Variants in TRIT1 observed in about 807,000 individuals in gnomAD.
TRIT1 encodes the protein tRNA dimethylallyltransferase.
Under a neutral mutation model 51.2 loss-of-function variants are expected in TRIT1, and 43 were observed. The ratio of observed to expected loss-of-function variants is 0.84; its 90% CI spans 0.66 to 1.08. The LOEUF (loss-of-function observed/expected upper bound fraction) is 1.08. Ranked by LOEUF, TRIT1 falls within the 50% of genes least tolerant of loss-of-function variation. TRIT1 has a pLI of 0.00. For missense variants in TRIT1, 528 were observed against 578.4 expected (o/e 0.91, Z 0.89); for synonymous variants, 184 against 203.9 (o/e 0.90, Z 0.83).
At chr1:39,878,887 A>T (rs1644153251) in intron 1 of TRIT1, among the ~76,000 whole-genome samples, 1 of 152,204 alleles carries the variant, frequency 6.6e-6, no homozygotes, top group South Asian at 2.1e-4. Context: ...CTATGAATTA[A>T]CACTGTGATT....
intron 1 of TRIT1, among the ~76,000 whole-genome samples, chr1:39,864,560 G>C (rs1643427684): frequency 7.2e-6 from 1 of 139,278 alleles, no homozygotes; most frequent in Non-Finnish European, 1.5e-5. Flanking sequence ...AGTGAGCCAA[G>C]ATTGCGCCAC....
chr1:39,842,830 C>G (rs909201932), intron 10 of TRIT1, among the ~76,000 whole-genome samples: 17 of 152,168 alleles, frequency 1.1e-4, no homozygotes, highest in Admixed American at 1.0e-3. Flanking sequence ...GAAAAGTTTA[C>G]TTGGGGAAGA....
chr1:39,867,392 G>A (rs529723618), intron 1 of TRIT1, among the ~76,000 whole-genome samples: 4 of 152,146 alleles, frequency 2.6e-5, no homozygotes, highest in East Asian at 1.9e-4. Flanking sequence ...TGATCCGCCC[G>A]CCTTGGCTTC....
intron 1 of TRIT1, among the ~76,000 whole-genome samples, chr1:39,872,552 G>C (rs562601021): frequency 1.3e-5 from 2 of 152,144 alleles, no homozygotes; most frequent in Admixed American, 6.5e-5. Context: ...AATAAGCAAG[G>C]GGGGAAGACT....
intron 1 of TRIT1, among the ~76,000 whole-genome samples, chr1:39,868,692 C>A (rs1202610464): frequency 1.3e-5 from 2 of 151,376 alleles, no homozygotes; most frequent in Non-Finnish European, 2.9e-5. Context: ...AGAAAACAAC[C>A]CCACTCCCGT....
intron 1 of TRIT1, among the ~76,000 whole-genome samples, chr1:39,866,814 A>AT (rs948101645): frequency 6.6e-6 from 1 of 152,132 alleles, no homozygotes; most frequent in African/African-American, 2.4e-5. Context: ...TACAAAAAAA[A>AT]CAAAACAAAA....
chr1:39,869,823 C>T (rs1158055115), intron 1 of TRIT1, among the ~76,000 whole-genome samples: 5 of 150,522 alleles, frequency 3.3e-5, no homozygotes, highest in South Asian at 2.1e-4. Context: ...GGAGCCCCTC[C>T]GCCCGGCAGC....
chr1:39,873,697 T>C (rs1643951504), intron 1 of TRIT1, among the ~76,000 whole-genome samples: 1 of 152,296 alleles, frequency 6.6e-6, no homozygotes, highest in South Asian at 2.1e-4. Flanking sequence ...ACAGGAACTC[T>C]TGGTACTATC....
At chr1:39,858,809 G>A (rs1193790644) in intron 1 of TRIT1, among the ~76,000 whole-genome samples, 1 of 152,140 alleles carries the variant, frequency 6.6e-6, no homozygotes, top group African/African-American at 2.4e-5. Context: ...ATTTGTGCCT[G>A]ACAGCAGACT....
At chr1:39,851,947 T>C (rs1642600370) in intron 4 of TRIT1, among the ~76,000 whole-genome samples, 1 of 142,084 alleles carries the variant, frequency 7.0e-6, no homozygotes, top group Non-Finnish European at 1.5e-5. Context: ...ACTCTATCTC[T>C]TAAAAAAAAA....
chr1:39,878,657 T>A (rs1029075369), intron 1 of TRIT1, among the ~76,000 whole-genome samples: 1 of 152,206 alleles, frequency 6.6e-6, no homozygotes, highest in African/African-American at 2.4e-5. Context: ...GATCACACTT[T>A]CTATTTGGTC....
At chr1:39,870,075 A>T (rs1273665590) in intron 1 of TRIT1, among the ~76,000 whole-genome samples, 3 of 152,078 alleles carry the variant, frequency 2.0e-5, no homozygotes, top group Non-Finnish European at 4.4e-5. Flanking sequence ...GGAAGGGGGG[A>T]AAGTGTGGGG....
At position 39,847,308 on chromosome 1, in the gene TRIT1, C is replaced by A. The variant is rs757751420; in HGVS notation, c.929-11G>T. On this transcript the variant is annotated splice_polypyrimidine_tract_variant and intron_variant, in intron 7 of 10. Transcript: ENST00000316891. The stretch of plus-strand genomic sequence containing the variant: ...TCAGAGCCTCAATACCTGAAAGATA[C>A]AGTAGATTTAAGAACATCTAGGTAA... 1.2e-6 allele frequency: 2 copies of A among 1,612,948 alleles called. No individual in the cohort carries two copies. Among genetic ancestry groups the A allele is most frequent in the South Asian group, 2.2e-5 (2 of 91,034 alleles).
chr1:39,880,289 A>AAAAAAAAAAAC (rs1644216768), intron 1 of TRIT1, among the ~76,000 whole-genome samples: 1 of 151,160 alleles, frequency 6.6e-6, no homozygotes, highest in Non-Finnish European at 1.5e-5. Context: ...AAAAAAAAAA[A>AAAAAAAAAAAC]AAAAGAAGAA....
intron 5 of TRIT1, among the ~76,000 whole-genome samples, chr1:39,849,365 G>A (rs1402153845): frequency 6.6e-6 from 1 of 152,148 alleles, no homozygotes; most frequent in East Asian, 1.9e-4. Context: ...GCTCTTCAGT[G>A]CTACACTCTA....
At position 39,838,797 on chromosome 1, in the gene TRIT1, G is replaced by A. The variant is rs187595054; in HGVS notation, c.*2947C>T. Among the ~76,000 whole-genome samples the A allele has an allele frequency of 1.5e-4, 23 of 152,168 alleles. No homozygotes were observed. The highest frequency in any genetic ancestry group is 1.2e-3 in the East Asian group (6 of 5,180). The stretch of plus-strand genomic sequence containing the variant: ...ATTACAGGCGTGAGCCACCACTCCC[G>A]GACTGTTATTTTTTAATGTTATACT... On this transcript the variant is annotated 3_prime_UTR_variant, in exon 11 of 11. Transcript: ENST00000316891.
intron 1 of TRIT1, among the ~76,000 whole-genome samples, chr1:39,869,450 C>A (rs371904587): frequency 6.6e-6 from 1 of 152,332 alleles, no homozygotes; most frequent in African/African-American, 2.4e-5. Context: ...TCTTGGCTCG[C>A]TACAACCTCC....
At position 39,857,150 on chromosome 1, in the gene TRIT1, G is replaced by A. The variant is rs1642947922; in HGVS notation, c.315+127C>T. On this transcript the variant is annotated intron_variant, in intron 2 of 10. Transcript: ENST00000316891. The stretch of plus-strand genomic sequence containing the variant: ...TTTCAGTCCATAGTCTGATGGGGAT[G>A]GCATCCATCAGTATTTAGGCCTTGG... 3 of 1,035,592 alleles carry A rather than the reference G, an allele frequency of 2.9e-6. No homozygotes were observed. The African/African-American group carries it at 4.8e-5, about 17-fold the overall frequency. 64.2% of individuals were successfully genotyped at this position (1,035,592 alleles called of 1,614,324 possible).
At chr1:39,845,480 C>T (rs373343253) in intron 8 of TRIT1, among the ~76,000 whole-genome samples, 5 of 152,346 alleles carry the variant, frequency 3.3e-5, no homozygotes, top group South Asian at 2.1e-4. Flanking sequence ...CGGATGCCAA[C>T]GACTGGCAGG....
Sources: gnomAD v4.1 joint callset for allele counts (sites outside exome capture counted in the v4.1 genomes callset) on GRCh38, gnomAD v4.1.1 for gene constraint, MANE v1.5 for transcripts, NCBI Gene and HGNC (gene_info 2026-07-23, HGNC 2026-07-21) for gene names.